The following SRFBP1 variants were observed in gnomAD, a reference collection of about 807,000 sequenced individuals.
The protein encoded by SRFBP1 is serum response factor-binding protein 1.
In SRFBP1, 47 loss-of-function variants were observed where a neutral mutation model predicts 45.5. The ratio of observed to expected loss-of-function variants is 1.03; its 90% CI spans 0.82 to 1.32. The LOEUF (loss-of-function observed/expected upper bound fraction) is 1.32, where lower values mean the gene tolerates loss of function less well. Ranked by LOEUF, SRFBP1 falls within the 40% of genes most tolerant of loss-of-function variation. The probability of loss-of-function intolerance (pLI) is 0.00; values close to 1 mark genes in which losing one functional copy is unlikely to be tolerated. For synonymous variants in SRFBP1, 203 were observed against 166.3 expected (o/e 1.22, Z -1.70); for missense variants, 621 against 484.6 (o/e 1.28, Z -2.64).
chr5:122,005,611 CTA>C (rs1274376458), intron 4 of SRFBP1, among the ~76,000 whole-genome samples: 2 of 152,066 alleles, frequency 1.3e-5, no homozygotes, highest in African/African-American at 4.8e-5. Flanking sequence ...CATTCAGCCA[CTA>C]TGTGTTATGA....
Position 122,050,889 on chromosome 5 carries a change from G to C in SRFBP1, n.312-24426G>C, listed in dbSNP as rs80320345. On this transcript the variant is annotated intron_variant and non_coding_transcript_variant, in intron 2 of 2. Transcript: ENST00000504881. ...TCTTACTTTTTAATGTGGGCATTTA[G>C]TACTATAAAATTCCCTGTTAACGCT... 6.9e-3 allele frequency among the ~76,000 whole-genome samples: 1,053 copies of C among 152,224 alleles called. 12 individuals are homozygous for C. The highest frequency in any genetic ancestry group is 0.023 in the African/African-American group (970 of 41,548).
intron 7 of SRFBP1, among the ~76,000 whole-genome samples, chr5:122,023,507 T>C (rs762478974): frequency 1.3e-5 from 2 of 152,156 alleles, no homozygotes; most frequent in Non-Finnish European, 2.9e-5. Context: ...TAAAAACTCT[T>C]GATAGCTTAA....
chr5:121,973,241 T>C (rs1358531485), intron 1 of SRFBP1, among the ~76,000 whole-genome samples: 4 of 151,710 alleles, frequency 2.6e-5, no homozygotes, highest in African/African-American at 7.2e-5. Context: ...TGCAGTGAGG[T>C]AGATGCTTTA....
chr5:121,991,286 G>A (rs1554085464), intron 3 of SRFBP1, among the ~76,000 whole-genome samples: 1 of 151,970 alleles, frequency 6.6e-6, no homozygotes, highest in Non-Finnish European at 1.5e-5. Context: ...AAATTATAAT[G>A]TATTATTGAC....
At chr5:121,985,505 T>G (rs1752494496) in intron 3 of SRFBP1, among the ~76,000 whole-genome samples, 1 of 151,880 alleles carries the variant, frequency 6.6e-6, no homozygotes, top group Non-Finnish European at 1.5e-5. Flanking sequence ...TTTTTTAATC[T>G]AGGTAATAGA....
At chr5:122,041,674 C>T (rs1240810104) in intron 2 of SRFBP1, among the ~76,000 whole-genome samples, 2 of 151,826 alleles carry the variant, frequency 1.3e-5, no homozygotes, top group East Asian at 3.9e-4. Context: ...TTCTCAGCCA[C>T]CTTACAAAAC....
intron 1 of SRFBP1, among the ~76,000 whole-genome samples, chr5:121,970,540 CTT>C (rs879813053): frequency 7.0e-6 from 1 of 143,674 alleles, no homozygotes. Flanking sequence ...CGTGGCCGTT[CTT>C]TTTTTTTTTC....
At chr5:121,969,761 C>CT (rs1752149600) in intron 1 of SRFBP1, among the ~76,000 whole-genome samples, 8 of 152,070 alleles carry the variant, frequency 5.3e-5, no homozygotes, top group Admixed American at 5.2e-4. Flanking sequence ...CTTGGCTTGG[C>CT]TTAATCAGTC....
chr5:122,003,172 A>G (rs988607512), intron 4 of SRFBP1, among the ~76,000 whole-genome samples: 3 of 151,878 alleles, frequency 2.0e-5, no homozygotes, highest in African/African-American at 4.8e-5. Flanking sequence ...GTGAAACCCT[A>G]TCTCTACAAA....
At chr5:121,972,051 T>G (rs1276894007) in intron 1 of SRFBP1, among the ~76,000 whole-genome samples, 1 of 151,878 alleles carries the variant, frequency 6.6e-6, no homozygotes, top group African/African-American at 2.4e-5. Flanking sequence ...AACCATGTAA[T>G]GAGGATGTTT....
intron 2 of SRFBP1, among the ~76,000 whole-genome samples, chr5:122,045,170 A>C (rs1753835978): frequency 6.6e-6 from 1 of 152,084 alleles, no homozygotes; most frequent in African/African-American, 2.4e-5. Context: ...ATGGTTGTAC[A>C]TTTGTGGCAC....
rs553643902 is a variant in SRFBP1 at position 122,001,400 on chromosome 5, T to A, written c.270+6730T>A. ...CCCTTTTATTTTTATTTTTTATTTT[T>A]TTTATTTTTATTTTTTATTTTTATT... On this transcript the variant is annotated intron_variant, in intron 4 of 7. Coordinates refer to ENST00000339397, the MANE Select transcript of SRFBP1 (RefSeq NM_152546.3). Among the ~76,000 whole-genome samples the A allele has an allele frequency of 1.2e-4, 18 of 149,128 alleles. No individual in the cohort carries two copies. In the East Asian group the frequency reaches 3.5e-3, roughly 29 times the overall value.
At chr5:122,074,928 G>C (rs1754573155) in intron 2 of SRFBP1, among the ~76,000 whole-genome samples, 2 of 152,210 alleles carry the variant, frequency 1.3e-5, no homozygotes, top group Admixed American at 1.3e-4. Context: ...ATTTAGGATA[G>C]AAAAGGCAAC....
intron 4 of SRFBP1, among the ~76,000 whole-genome samples, chr5:122,003,346 GAAA>G (rs11300712): frequency 1.9e-5 from 2 of 106,124 alleles, no homozygotes; most frequent in South Asian, 3.1e-4. Flanking sequence ...CTGTCTCAGA[GAAA>G]AAAAAAAAAA....
At chr5:121,975,067 C>G (rs527823842) in intron 2 of SRFBP1, among the ~76,000 whole-genome samples, 1 of 151,912 alleles carries the variant, frequency 6.6e-6, no homozygotes, top group East Asian at 1.9e-4. Context: ...GGCAAACTAT[C>G]AAAAGTAATA....
downstream of SRFBP1, chr5:122,077,306 G>C: frequency 1.9e-6 from 3 of 1,611,048 alleles, no homozygotes; most frequent in Non-Finnish European, 2.5e-6. This position sits in a 1 kb window ranked among gnomAD's most constrained non-coding sequence, Gnocchi z 4.9. Context: ...AAGCCACATA[G>C]CTGGGGACCA....
chr5:122,019,102 A>G (rs181827906), intron 4 of SRFBP1, among the ~76,000 whole-genome samples, 158 bp from the exon 5 acceptor site: 12 of 152,114 alleles, frequency 7.9e-5, no homozygotes, highest in African/African-American at 2.4e-4. Flanking sequence ...TGTCTTTAGC[A>G]TGGATTGATT....
At chr5:122,060,125 C>A (rs890475961) in intron 2 of SRFBP1, among the ~76,000 whole-genome samples, 2 of 152,002 alleles carry the variant, frequency 1.3e-5, no homozygotes, top group African/African-American at 4.8e-5. Context: ...GTTAGATCTG[C>A]AAACGGGGAG....
downstream of SRFBP1, among the ~76,000 whole-genome samples, chr5:122,032,154 TC>T (rs765413737): frequency 2.6e-5 from 4 of 152,156 alleles, no homozygotes; most frequent in Non-Finnish European, 5.9e-5. Context: ...TATATAAAGT[TC>T]CCTGGGTGAA....
Sources: allele counts gnomAD v4.1 joint callset (sites outside exome capture counted in the v4.1 genomes callset), GRCh38; gene constraint gnomAD v4.1.1; non-coding constraint Gnocchi (gnomAD v3.1); transcripts MANE v1.5; gene names NCBI Gene and HGNC (gene_info 2026-07-23, HGNC 2026-07-21).